Variants in AGBL1 observed in about 807,000 individuals in gnomAD.
AGBL1 encodes AGBL carboxypeptidase 1, also known as cytosolic carboxypeptidase 4.
A neutral mutation model predicts 118.9 loss-of-function variants in AGBL1; 130 were observed. The observed-to-expected ratio is 1.09, with a 90% CI of 0.95 to 1.26. The LOEUF is 1.26. Among genes scored for constraint, AGBL1 ranks in the 50% most tolerant of loss-of-function variants. The pLI, the probability that AGBL1 is intolerant of heterozygous loss-of-function variation, is 0.00. For synonymous variants in AGBL1, 555 were observed against 478.9 expected (o/e 1.16, Z -2.08); for missense variants, 1,584 against 1,298.1 (o/e 1.22, Z -3.38).
rs1214288494 is a variant in AGBL1 at position 86,992,688 on chromosome 15, C to G, written c.3323+4600C>G. On this transcript the variant is annotated intron_variant, in intron 24 of 24. Transcript: ENST00000441037. ...TTCCCTGGGTCTGAGTGTTTCTTGC[C>G]AACCAGGATTGCAAGGAAGTCTGGA... Among the ~76,000 whole-genome samples the G allele has an allele frequency of 2.6e-5, 4 of 151,638 alleles. No individual in the cohort carries two copies. In the South Asian group the frequency reaches 8.4e-4, roughly 32 times the overall value.
At chr15:86,462,849 G>C (rs1159335615) in intron 18 of AGBL1, among the ~76,000 whole-genome samples, 1 of 152,066 alleles carries the variant, frequency 6.6e-6, no homozygotes, top group Non-Finnish European at 1.5e-5. Flanking sequence ...ACATTGATGG[G>C]CTTTTGGGTT....
At position 86,649,060 on chromosome 15, in the gene AGBL1, T is replaced by C. The variant is rs926107066; in HGVS notation, c.2995-25213T>C. Reference sequence around the variant, plus strand: ...TGTTTGAATGCTGATGGGAATGATCTAGCAGAGAGGTAAAGCTTATGGTGT... The same window carrying C: ...TGTTTGAATGCTGATGGGAATGATCCAGCAGAGAGGTAAAGCTTATGGTGT... On this transcript the variant is annotated intron_variant, in intron 21 of 22. Coordinates refer to ENST00000614907, the MANE Select transcript of AGBL1 (RefSeq NM_001386094.1). Among the ~76,000 whole-genome samples, 5 of 152,298 alleles carry C rather than the reference T, an allele frequency of 3.3e-5. No homozygotes were observed. In the East Asian group the frequency reaches 9.7e-4, roughly 29 times the overall value.
intron 18 of AGBL1, among the ~76,000 whole-genome samples, chr15:86,416,532 A>G (rs142109721): frequency 1.3e-5 from 2 of 152,264 alleles, no homozygotes; most frequent in African/African-American, 2.4e-5. Flanking sequence ...AATCAGGGCC[A>G]TTGATGTCCA....
chr15:86,997,224 G>A (rs988825893), intron 24 of AGBL1, among the ~76,000 whole-genome samples: 1 of 152,036 alleles, frequency 6.6e-6, no homozygotes, highest in Non-Finnish European at 1.5e-5. Flanking sequence ...TGTGCATGCC[G>A]GTCTCTTATT....
chr15:86,425,342 A>G (rs1417206270), intron 18 of AGBL1, among the ~76,000 whole-genome samples: 3 of 152,042 alleles, frequency 2.0e-5, no homozygotes, highest in Non-Finnish European at 4.4e-5. Context: ...TGAGCCATGA[A>G]AACACATGGA....
At chr15:86,838,507 T>C (rs2079198581) in intron 22 of AGBL1, among the ~76,000 whole-genome samples, 1 of 152,182 alleles carries the variant, frequency 6.6e-6, no homozygotes, top group Admixed American at 6.5e-5. Context: ...TGACTGTCTG[T>C]CCGTGGTGAC....
chr15:86,566,065 C>T (rs1459667069), intron 21 of AGBL1, among the ~76,000 whole-genome samples: 3 of 151,986 alleles, frequency 2.0e-5, no homozygotes, highest in Non-Finnish European at 2.9e-5. Context: ...ATTCCCTGAG[C>T]CCTTGCACTT....
intron 21 of AGBL1, among the ~76,000 whole-genome samples, chr15:86,663,043 A>T (rs1375926054): frequency 6.6e-6 from 1 of 152,198 alleles, no homozygotes; most frequent in Non-Finnish European, 1.5e-5. Context: ...ATTAGGATTG[A>T]TATTCCACTG....
chr15:86,666,485 G>T (rs1002171499), intron 21 of AGBL1, among the ~76,000 whole-genome samples: 1 of 151,996 alleles, frequency 6.6e-6, no homozygotes, highest in Admixed American at 6.6e-5. Context: ...AAGATAATGT[G>T]ATTATTCCTT....
chr15:86,868,591 T>C (rs1371076633), intron 22 of AGBL1, among the ~76,000 whole-genome samples: 3 of 152,238 alleles, frequency 2.0e-5, no homozygotes, highest in African/African-American at 7.2e-5. Flanking sequence ...TTTAAAAACA[T>C]AGGCGTGTAA....
At chr15:86,469,899 T>G (rs1403250764) in intron 18 of AGBL1, among the ~76,000 whole-genome samples, 1 of 152,150 alleles carries the variant, frequency 6.6e-6, no homozygotes, top group African/African-American at 2.4e-5. Context: ...TCTATTTAGG[T>G]CCTTTTGCCA....
chr15:86,827,330 T>C (rs1420933014), intron 22 of AGBL1, among the ~76,000 whole-genome samples: 3 of 11,334 alleles, frequency 2.6e-4, no homozygotes, highest in African/African-American at 1.1e-3. Context: ...CACACATATA[T>C]ATATATATGT....
At chr15:86,588,224 G>A (rs1198163485) in intron 21 of AGBL1, among the ~76,000 whole-genome samples, 1 of 152,080 alleles carries the variant, frequency 6.6e-6, no homozygotes, top group Non-Finnish European at 1.5e-5. Flanking sequence ...GCCTGGGTTG[G>A]CTACTCTACA....
intron 21 of AGBL1, chr15:86,630,685 CTGTG>C (rs2084949593): frequency 6.6e-6 from 1 of 152,236 alleles, no homozygotes; most frequent in Admixed American, 6.5e-5. Flanking sequence ...CTTCTGTCTT[CTGTG>C]ACAAGAACAA....
At chr15:86,556,573 C>A (rs1388938583) in intron 21 of AGBL1, among the ~76,000 whole-genome samples, 1 of 152,132 alleles carries the variant, frequency 6.6e-6, no homozygotes, top group Non-Finnish European at 1.5e-5. Context: ...GGGGCCCACC[C>A]CATGGGAAGG....
intron 20 of AGBL1, among the ~76,000 whole-genome samples, chr15:86,549,241 A>G (rs1487139516): frequency 6.6e-6 from 1 of 152,172 alleles, no homozygotes; most frequent in Non-Finnish European, 1.5e-5. Context: ...CCAGTGAGAA[A>G]GAAAGTCCAA....
intron 17 of AGBL1, among the ~76,000 whole-genome samples, chr15:86,310,278 T>C (rs902043425): frequency 6.6e-6 from 1 of 152,254 alleles, no homozygotes; most frequent in African/African-American, 2.4e-5. Context: ...GTAATGCCTC[T>C]TGTTTAAAAT....
At chr15:86,765,361 C>T (rs1384133460) in intron 22 of AGBL1, among the ~76,000 whole-genome samples, 1 of 152,002 alleles carries the variant, frequency 6.6e-6, no homozygotes, top group Non-Finnish European at 1.5e-5. Context: ...AAGGCCCTCA[C>T]AGTCTAGTGA....
chr15:86,904,460 A>G (rs2080253822), intron 22 of AGBL1, among the ~76,000 whole-genome samples: 1 of 150,700 alleles, frequency 6.6e-6, no homozygotes, highest in African/African-American at 2.4e-5. Flanking sequence ...TTAATTCCTT[A>G]TTAGAATGCT....
Sources: gnomAD v4.1 joint callset for allele counts (sites outside exome capture counted in the v4.1 genomes callset) on GRCh38, gnomAD v4.1.1 for gene constraint, MANE v1.5 for transcripts, NCBI Gene and HGNC (gene_info 2026-07-23, HGNC 2026-07-21) for gene names.